The following HAGH variants were observed in gnomAD, a reference collection of about 807,000 sequenced individuals.
HAGH encodes hydroxyacylglutathione hydrolase, mitochondrial.
A neutral mutation model predicts 35.1 loss-of-function variants in HAGH; 29 were observed. That is an observed-to-expected ratio of 0.83 (90% CI 0.62 to 1.13). HAGH has a LOEUF of 1.13. Ranked by LOEUF, HAGH falls within the 50% of genes most tolerant of loss-of-function variation. HAGH has a pLI of 0.00. For synonymous variants in HAGH, 225 were observed against 176.1 expected, an observed-to-expected ratio of 1.28 and a Z score of -2.20; for missense variants, 478 against 419.6, an observed-to-expected ratio of 1.14 and a Z score of -1.22.
chr16:1,824,051 G>A (rs893476536), intron 1 of HAGH, among the ~76,000 whole-genome samples: 9 of 151,986 alleles, frequency 5.9e-5, no homozygotes, highest in South Asian at 4.1e-4. Context: ...CTGACTAAGC[G>A]AGCCTGCGTT....
chr16:1,812,891 CGTGTG>C (rs141720223), intron 7 of HAGH, among the ~76,000 whole-genome samples: 13,419 of 152,250 alleles, frequency 0.088, 572 homozygotes, highest in East Asian at 0.12. Flanking sequence ...CTGGCTCCAC[CGTGTG>C]GTGTGCCGAA....
At chr16:1,814,245 T>A (rs752109654) in intron 7 of HAGH, among the ~76,000 whole-genome samples, 1 of 151,844 alleles carries the variant, frequency 6.6e-6, no homozygotes, top group African/African-American at 2.4e-5. Context: ...GAGCCCAAGG[T>A]GGGCAGATCA....
intron 7 of HAGH, among the ~76,000 whole-genome samples, chr16:1,814,233 T>G (rs926799859): frequency 1.3e-5 from 2 of 152,038 alleles, no homozygotes; most frequent in African/African-American, 4.8e-5. Flanking sequence ...CCAGCACTTT[T>G]GGAGCCCAAG....
chr16:1,819,382 C>T (rs56226103), intron 4 of HAGH, among the ~76,000 whole-genome samples, 159 bp from the exon 5 acceptor site: 14,014 of 152,268 alleles, frequency 0.092, 793 homozygotes, highest in African/African-American at 0.16. Flanking sequence ...CTGGGGGACT[C>T]GCTCACTCCA....
intron 7 of HAGH, among the ~76,000 whole-genome samples, chr16:1,812,868 TCCACCGCGTGGGCTGG>T (rs2142030096): frequency 6.6e-6 from 1 of 151,972 alleles, no homozygotes; most frequent in African/African-American, 2.4e-5. Context: ...AACGGCTGGC[TCCACCGCGTGGGCTGG>T]CTCCACCGTG....
intron 7 of HAGH, among the ~76,000 whole-genome samples, chr16:1,815,080 A>T (rs1372674449): frequency 6.6e-6 from 1 of 152,052 alleles, no homozygotes; most frequent in African/African-American, 2.4e-5. Context: ...CTTCATGAGA[A>T]GGCATCCAAA....
At chr16:1,825,232 C>A (rs1043086640) in intron 1 of HAGH, among the ~76,000 whole-genome samples, 5 of 152,170 alleles carry the variant, frequency 3.3e-5, no homozygotes, top group Admixed American at 6.5e-5. Context: ...GCAGGAGACT[C>A]GCTTGAGCCC....
At chr16:1,814,930 T>TATACACAC (rs1555467327) in intron 7 of HAGH, among the ~76,000 whole-genome samples, 3 of 140,648 alleles carry the variant, frequency 2.1e-5, no homozygotes, top group East Asian at 2.1e-4. Flanking sequence ...TATATGTATA[T>TATACACAC]ACACACACAC....
chr16:1,809,327 C>A lies in HAGH; in HGVS notation c.883G>T (p.Ala295Ser), dbSNP rs746248407. The A allele has an allele frequency of 1.1e-5, 17 of 1,613,660 alleles. No homozygotes were observed. Among genetic ancestry groups the A allele is most frequent in the Non-Finnish European group, 9.3e-6 (11 of 1,179,886 alleles). The part of the protein sequence containing the change: ...GETDPVTTMR[A>S]VRREKDQFKM... Reference sequence around the variant, plus strand: ...AACTGGTCCTTCTCCCTGCGCACGGCCCGCATGGTGGTCACCGGGTCCGTC... The same window carrying A: ...AACTGGTCCTTCTCCCTGCGCACGGACCGCATGGTGGTCACCGGGTCCGTC... Residue 295 changes from alanine to serine, a missense_variant, in exon 9 of 9, where the codon GCC becomes TCC. Physicochemically the swap from Ala to Ser is moderately conservative, Grantham distance 99. Transcript: ENST00000397356.
chr16:1,813,211 T>C (rs890982601), intron 7 of HAGH, among the ~76,000 whole-genome samples: 4 of 152,174 alleles, frequency 2.6e-5, no homozygotes, highest in African/African-American at 9.7e-5. Context: ...ATCTGGTTGT[T>C]TAAAAGAAAC....
At chr16:1,818,532 A>G (rs1027293120) in intron 5 of HAGH, 4 of 152,468 alleles carry the variant, frequency 2.6e-5, no homozygotes, top group Non-Finnish European at 5.9e-5. Flanking sequence ...CAAGGCCCAC[A>G]TCGAGTCACC....
At chr16:1,825,756 G>C (rs1006015319) in intron 1 of HAGH, among the ~76,000 whole-genome samples, 5 of 152,048 alleles carry the variant, frequency 3.3e-5, no homozygotes, top group African/African-American at 1.2e-4. Flanking sequence ...TTTAGTTTTT[G>C]TAGCGATGAG....
At chr16:1,810,058 A>AG in intron 7 of HAGH, 1 of 554,328 alleles carries the variant, frequency 1.8e-6, no homozygotes, top group East Asian at 3.1e-5. Context: ...CCAGCTACTC[A>AG]GGGGGCTGAG....
At chr16:1,812,204 A>AG (rs1437432092) in intron 7 of HAGH, among the ~76,000 whole-genome samples, 1 of 144,976 alleles carries the variant, frequency 6.9e-6, no homozygotes, top group East Asian at 2.1e-4. Flanking sequence ...CAACCAAAAA[A>AG]AAAAAAAAAA....
intron 7 of HAGH, 48 bp downstream of exon 7, chr16:1,816,845 C>T (rs1301795406): frequency 8.4e-7 from 1 of 1,184,576 alleles, no homozygotes. Flanking sequence ...TGCACAGCGG[C>T]CCTGAGCAGC....
intron 1 of HAGH, among the ~76,000 whole-genome samples, chr16:1,824,624 A>ATT (rs1898312290): frequency 6.6e-6 from 1 of 152,178 alleles, no homozygotes; most frequent in African/African-American, 2.4e-5. Flanking sequence ...TTCTCCCAAA[A>ATT]GGGATCCAGA....
rs11558513 is a variant in HAGH at position 1,819,158 on chromosome 16, G to T, written c.498C>A (p.Phe166Leu). 1.9e-6 allele frequency: 3 copies of T among 1,613,096 alleles called. No homozygotes were observed. The highest frequency in any genetic ancestry group is 1.7e-5 in the Admixed American group (1 of 59,984). ...PCHTSGHICY[F>L]VSKPGGSEPP... ...GCTCCGAGCCTCCGGGCTTGCTCAC[G>T]AAGTAACAAATGTGTCCTGAAGTGT... Residue 166 changes from phenylalanine (F) to leucine (L), a missense_variant, in exon 5 of 9, where the codon TTC becomes TTA. By Grantham distance (22) the Phe-to-Leu change is conservative (BLOSUM62 0). Transcript: ENST00000397356.
chr16:1,820,069 T>C (rs952856524), intron 3 of HAGH, 55 bp from the exon 4 acceptor site: 1 of 961,120 alleles, frequency 1.0e-6, no homozygotes, highest in South Asian at 1.3e-5. Context: ...GGCTGCCTGC[T>C]GAGCTGAGGG....
chr16:1,820,662 G>A, intron 3 of HAGH, among the ~76,000 whole-genome samples: 1 of 152,154 alleles, frequency 6.6e-6, no homozygotes, highest in East Asian at 1.9e-4. Flanking sequence ...GCGGTTGAAG[G>A]GGCCCTTCCC....
Sources: gnomAD v4.1 joint callset for allele counts (sites outside exome capture counted in the v4.1 genomes callset) on GRCh38, gnomAD v4.1.1 for gene constraint, MANE v1.5 for transcripts, NCBI Gene and HGNC (gene_info 2026-07-23, HGNC 2026-07-21) for gene names.